ZNF92: variants seen among roughly 807,000 people sequenced by gnomAD.
The protein encoded by ZNF92 is zinc finger protein 92.
In ZNF92, 11 loss-of-function variants were observed where a neutral mutation model predicts 12.4. The observed-to-expected ratio is 0.89, with a 90% CI of 0.56 to 1.47. ZNF92 has a LOEUF of 1.47. Ranked by LOEUF, ZNF92 falls within the 40% of genes most tolerant of loss-of-function variation. The probability of loss-of-function intolerance (pLI) is 0.00; values close to 1 mark genes in which losing one functional copy is unlikely to be tolerated. For synonymous variants in ZNF92, 206 were observed against 228.6 expected (o/e 0.90, Z 0.89); for missense variants, 622 against 681.0 (o/e 0.91, Z 0.96).
chr7:65,394,949 A>C (rs1244493198), intron 3 of ZNF92, among the ~76,000 whole-genome samples: 1 of 152,116 alleles, frequency 6.6e-6, no homozygotes, highest in African/African-American at 2.4e-5. Context: ...CCTGGCCCAA[A>C]ATGAAGTTTT....
intron 1 of ZNF92, among the ~76,000 whole-genome samples, chr7:65,387,057 A>G (rs1020210157): frequency 6.7e-6 from 1 of 150,232 alleles, no homozygotes; most frequent in Admixed American, 6.7e-5. Flanking sequence ...CTCCTGCCTC[A>G]GCCTCCTGAG....
At chr7:65,392,994 C>T (rs2116389743) in intron 3 of ZNF92, among the ~76,000 whole-genome samples, 1 of 152,210 alleles carries the variant, frequency 6.6e-6, no homozygotes, top group South Asian at 2.1e-4. Flanking sequence ...TTTGAGGCTG[C>T]AGTGAGCCTT....
chr7:65,397,717 C>T (rs1422318484), intron 3 of ZNF92, among the ~76,000 whole-genome samples: 1 of 152,066 alleles, frequency 6.6e-6, no homozygotes, highest in Non-Finnish European at 1.5e-5. Flanking sequence ...TGTGCCTTGT[C>T]TGAAATTTTG....
chr7:65,398,853 CATAAA>C lies in ZNF92; in HGVS notation c.744_748del (p.Lys248AsnfsTer11). Reference sequence around the variant, plus strand: ...TAACCGGTCCTCAAATCTTACTAAACATAAAATAATTCATACTGGAGAGAAACCCT... The same window carrying C: ...TAACCGGTCCTCAAATCTTACTAAACATAATTCATACTGGAGAGAAACCCT... On this transcript the variant is annotated frameshift_variant, in exon 4 of 4. Coordinates refer to ENST00000328747, the MANE Select transcript of ZNF92 (RefSeq NM_152626.4). LOFTEE classifies it low-confidence loss of function (END_TRUNC). 6.2e-7 allele frequency: 1 copy of C among 1,612,824 alleles called. No homozygotes were observed. The highest frequency in any genetic ancestry group is 1.1e-5 in the South Asian group (1 of 90,994).
At chr7:65,374,233 C>T (rs1793176466) in intron 1 of ZNF92, among the ~76,000 whole-genome samples, 1 of 152,116 alleles carries the variant, frequency 6.6e-6, no homozygotes, top group Non-Finnish European at 1.5e-5. Context: ...GTGCTTTGGC[C>T]TGGAGCCCTC....
At chr7:65,390,287 A>G (rs563400247) in intron 3 of ZNF92, among the ~76,000 whole-genome samples, 1 of 152,142 alleles carries the variant, frequency 6.6e-6, no homozygotes, top group South Asian at 2.1e-4. Flanking sequence ...TAAATTTTTT[A>G]AATTCTTTTG....
chr7:65,381,087 C>T (rs1040115273), intron 1 of ZNF92, among the ~76,000 whole-genome samples: 3 of 151,964 alleles, frequency 2.0e-5, no homozygotes, highest in Admixed American at 6.6e-5. Flanking sequence ...GATCTCGGCT[C>T]ACTGCAACCT....
At position 65,400,472 on chromosome 7, in the gene ZNF92, G is replaced by A. The variant is rs1793985155; in HGVS notation, c.*597G>A. On this transcript the variant is annotated 3_prime_UTR_variant, in exon 4 of 4. Coordinates refer to ENST00000328747, the MANE Select transcript of ZNF92 (RefSeq NM_152626.4). ...GTTCATACTAAAATATATTTTTGCAGATGCAGTAAATATGAAAAATATTTA... is the reference window on the plus strand; with the variant it reads ...GTTCATACTAAAATATATTTTTGCAAATGCAGTAAATATGAAAAATATTTA... 6.6e-6 allele frequency: 1 copy of A among 151,942 alleles called. No homozygotes were observed. Among genetic ancestry groups the A allele is most frequent in the African/African-American group, 2.4e-5 (1 of 41,398 alleles). The allele number at this position is 151,942 out of a possible 1,614,324, so 9.4% of individuals were successfully genotyped here.
At chr7:65,377,060 A>C (rs902585239) in intron 1 of ZNF92, among the ~76,000 whole-genome samples, 2 of 152,148 alleles carry the variant, frequency 1.3e-5, no homozygotes, top group Non-Finnish European at 2.9e-5. Flanking sequence ...AATGGAAATA[A>C]TAAAATAATA....
chr7:65,390,217 G>A (rs1212894144), intron 3 of ZNF92, among the ~76,000 whole-genome samples: 1 of 151,992 alleles, frequency 6.6e-6, no homozygotes, highest in Non-Finnish European at 1.5e-5. Context: ...CTCTATATAA[G>A]ATTATGTGAT....
chr7:65,378,873 A>AT (rs1304579526), intron 1 of ZNF92, among the ~76,000 whole-genome samples: 1 of 152,212 alleles, frequency 6.6e-6, no homozygotes, highest in African/African-American at 2.4e-5. Flanking sequence ...CATCTAAGTC[A>AT]TAATGGTAAG....
chr7:65,387,160 C>T lies in ZNF92; in HGVS notation c.4-742C>T, dbSNP rs185146421. 4.3e-4 allele frequency among the ~76,000 whole-genome samples: 66 copies of T among 151,982 alleles called. 2 individuals carry two copies. In the Middle Eastern group the frequency reaches 0.014, roughly 31 times the overall value. ...TTCACCATGTTAGCCAGGCTGGTCT[C>T]TGAACTCCTGACCTCAGGTGATCCG... On this transcript the variant is annotated intron_variant, in intron 1 of 3. Coordinates refer to ENST00000328747, the MANE Select transcript of ZNF92 (RefSeq NM_152626.4).
chr7:65,385,460 C>G (rs1208358444), intron 1 of ZNF92, among the ~76,000 whole-genome samples: 1 of 151,866 alleles, frequency 6.6e-6, no homozygotes, highest in Non-Finnish European at 1.5e-5. Flanking sequence ...AAGATACATT[C>G]GTGAGTGTTA....
intron 1 of ZNF92, among the ~76,000 whole-genome samples, chr7:65,383,729 C>G (rs916526497): frequency 6.6e-6 from 1 of 152,110 alleles, no homozygotes; most frequent in Non-Finnish European, 1.5e-5. Context: ...CTTTCTCTTA[C>G]CCAAAGACTA....
intron 1 of ZNF92, 57 bp from the exon 2 acceptor site, chr7:65,387,845 T>C: frequency 6.7e-7 from 1 of 1,491,416 alleles, no homozygotes; most frequent in East Asian, 2.5e-5. Flanking sequence ...TAAAAAATTC[T>C]GCCCATGGCC....
chr7:65,380,933 G>T (rs1358925924), intron 1 of ZNF92, among the ~76,000 whole-genome samples: 3 of 151,584 alleles, frequency 2.0e-5, no homozygotes, highest in Non-Finnish European at 4.4e-5. Context: ...TGTTTTTTTT[G>T]TTTGTTTGTT....
rs751737627 is a variant in ZNF92, at chr7:65,399,022, A to G, written c.908A>G (p.His303Arg). The stretch of plus-strand genomic sequence containing the variant: ...AACCAGTTCTCGATTCTTAATAAAC[A>G]TAAGAGAATTCATATGGAAGATAAA... ...AFNQFSILNK[H>R]KRIHMEDKPY... is the part of the protein sequence containing the mutation. Residue 303 changes from histidine to arginine, a missense_variant, in exon 4 of 4, where the codon CAT (histidine) becomes CGT (arginine). Transcript: ENST00000328747. The G allele has an allele frequency of 3.3e-5, 53 of 1,613,422 alleles. No homozygotes were observed. Among genetic ancestry groups the G allele is most frequent in the Non-Finnish European group, 4.2e-5 (49 of 1,179,770 alleles).
chr7:65,392,532 G>A (rs1793742216), intron 3 of ZNF92, among the ~76,000 whole-genome samples: 1 of 130,130 alleles, frequency 7.7e-6, no homozygotes, highest in Admixed American at 8.7e-5. Flanking sequence ...CATCACTTGA[G>A]CCCACATTTT....
intron 1 of ZNF92, among the ~76,000 whole-genome samples, chr7:65,386,697 T>C (rs1421891568): frequency 6.6e-6 from 1 of 152,144 alleles, no homozygotes; most frequent in African/African-American, 2.4e-5. Context: ...GAGATATCTG[T>C]ATCTCAAACT....
Sources: gnomAD v4.1 joint callset for allele counts (sites outside exome capture counted in the v4.1 genomes callset) on GRCh38, gnomAD v4.1.1 for gene constraint, MANE v1.5 for transcripts, NCBI Gene and HGNC (gene_info 2026-07-23, HGNC 2026-07-21) for gene names.